The following FMN1 variants were observed in gnomAD, a reference collection of about 807,000 sequenced individuals.
FMN1 encodes formin-1.
A neutral mutation model predicts 132.4 loss-of-function variants in FMN1; 110 were observed. The ratio of observed to expected loss-of-function variants is 0.83; its 90% CI spans 0.71 to 0.97. The LOEUF (loss-of-function observed/expected upper bound fraction) is 0.97. Among genes scored for constraint, FMN1 ranks in the 50% least tolerant of loss-of-function variants. FMN1 has a pLI of 0.00. For missense variants in FMN1, 1,792 were observed against 1,705.3 expected (o/e 1.05, Z -0.90); for synonymous variants, 722 against 651.7 (o/e 1.11, Z -1.64).
chr15:32,847,351 T>C (rs1476099408), intron 17 of FMN1, among the ~76,000 whole-genome samples: 1 of 152,126 alleles, frequency 6.6e-6, no homozygotes, highest in Non-Finnish European at 1.5e-5. Context: ...GAGTTAATGA[T>C]ACTTATCTGA....
At chr15:33,151,590 T>C (rs938917155) in intron 4 of FMN1, among the ~76,000 whole-genome samples, 1 of 152,098 alleles carries the variant, frequency 6.6e-6, no homozygotes, top group Non-Finnish European at 1.5e-5. Context: ...TAATCCTACA[T>C]TGAGGAAAAA....
At chr15:33,068,150 C>A in intron 5 of FMN1, 1 of 601,524 alleles carries the variant, frequency 1.7e-6, no homozygotes, top group Non-Finnish European at 2.5e-6. Context: ...CCTTACTACA[C>A]ACGGACCAGG....
chr15:32,932,193 G>C (rs1429976255), intron 9 of FMN1, among the ~76,000 whole-genome samples: 3 of 152,122 alleles, frequency 2.0e-5, no homozygotes, highest in African/African-American at 4.8e-5. Context: ...GAGGTCAGGA[G>C]TTAGAGACCA....
At chr15:32,907,824 G>T (rs895325240) in intron 12 of FMN1, among the ~76,000 whole-genome samples, 9 of 150,972 alleles carry the variant, frequency 6.0e-5, no homozygotes, top group African/African-American at 2.2e-4. Context: ...CTAAGCCCTG[G>T]AAAGCTGGGC....
At chr15:32,859,773 G>A (rs1198711102) in intron 16 of FMN1, among the ~76,000 whole-genome samples, 6 of 152,100 alleles carry the variant, frequency 3.9e-5, no homozygotes, top group Non-Finnish European at 5.9e-5. Flanking sequence ...GTCGTGGTTC[G>A]CACCTGTAAT....
chr15:33,025,733 C>G lies in FMN1; in HGVS notation c.2162-17658G>C, dbSNP rs371426387. Among the ~76,000 whole-genome samples, 16 of 152,202 alleles carry G rather than the reference C, an allele frequency of 1.1e-4. No homozygotes were observed. In the South Asian group the frequency reaches 3.3e-3, roughly 32 times the overall value. ...GAGAAAACCTATTGTATCTCAAAAT[C>G]TCAAAATGATACAGAATGACACAGA... On this transcript the variant is annotated intron_variant, in intron 6 of 20. Transcript: ENST00000616417.
At chr15:32,931,511 T>C (rs965628515) in intron 9 of FMN1, among the ~76,000 whole-genome samples, 2 of 152,230 alleles carry the variant, frequency 1.3e-5, no homozygotes, top group Non-Finnish European at 1.5e-5. Context: ...TATTTTTGTG[T>C]TATAAGAACA....
At chr15:33,108,719 C>A (rs2039582046) in intron 4 of FMN1, among the ~76,000 whole-genome samples, 1 of 152,088 alleles carries the variant, frequency 6.6e-6, no homozygotes, top group Non-Finnish European at 1.5e-5. Context: ...GATGTTCTCA[C>A]CAAGAGGGAT....
At chr15:33,082,020 G>GGGGGGTGT (rs1355703560) in intron 5 of FMN1, among the ~76,000 whole-genome samples, 20 of 117,762 alleles carry the variant, frequency 1.7e-4, no homozygotes, top group African/African-American at 6.8e-4. Context: ...AGAGTTCAGG[G>GGGGGGTGT]GTGTGTGTGT....
chr15:32,892,297 G>A (rs1267230121), intron 15 of FMN1, among the ~76,000 whole-genome samples: 1 of 152,060 alleles, frequency 6.6e-6, no homozygotes, highest in African/African-American at 2.4e-5. Context: ...TTCTTTTTCT[G>A]CATCTATTGA....
At chr15:32,885,148 T>C (rs2059865542) in intron 16 of FMN1, among the ~76,000 whole-genome samples, 1 of 152,236 alleles carries the variant, frequency 6.6e-6, no homozygotes, top group African/African-American at 2.4e-5. Context: ...CTTAGTCCTA[T>C]GTAATGTGCC....
chr15:32,782,363 TGC>T (rs558418800), intron 19 of FMN1, among the ~76,000 whole-genome samples: 85 of 152,338 alleles, frequency 5.6e-4, no homozygotes, highest in Non-Finnish European at 1.1e-3. Flanking sequence ...ATAAAATGAT[TGC>T]TTTTTGCATT....
At chr15:33,100,945 A>C (rs2039270045) in intron 4 of FMN1, among the ~76,000 whole-genome samples, 2 of 152,236 alleles carry the variant, frequency 1.3e-5, no homozygotes. Context: ...ATATGACATC[A>C]AGTATGAAAT....
At chr15:32,848,985 T>TTG (rs1555472086) in intron 17 of FMN1, among the ~76,000 whole-genome samples, 29 of 125,480 alleles carry the variant, frequency 2.3e-4, no homozygotes, top group Non-Finnish European at 4.5e-4. Context: ...TTGTTTTTTT[T>TTG]TTTTTTTTTT....
intron 9 of FMN1, among the ~76,000 whole-genome samples, chr15:32,950,068 T>C (rs796250307): frequency 1.4e-4 from 9 of 66,258 alleles, no homozygotes; most frequent in South Asian, 1.3e-3. Context: ...TATATATATA[T>C]ATATATATAT....
intron 5 of FMN1, among the ~76,000 whole-genome samples, chr15:33,082,516 A>G (rs550525600): frequency 2.6e-5 from 4 of 152,240 alleles, no homozygotes; most frequent in Admixed American, 6.5e-5. Context: ...ATTACAAACT[A>G]TTCTCCATGG....
At chr15:33,068,693 T>C (rs1276371697) in intron 5 of FMN1, among the ~76,000 whole-genome samples, 1 of 152,126 alleles carries the variant, frequency 6.6e-6, no homozygotes, top group Non-Finnish European at 1.5e-5. Context: ...TTTTAGCTCC[T>C]AAAGCCCGTG....
intron 6 of FMN1, among the ~76,000 whole-genome samples, chr15:33,019,258 T>C (rs2141007084): frequency 1.3e-5 from 2 of 152,116 alleles, no homozygotes; most frequent in South Asian, 4.2e-4. Flanking sequence ...AGATACAGAG[T>C]GTCCATTGGT....
intron 4 of FMN1, among the ~76,000 whole-genome samples, chr15:33,101,537 GGATA>G (rs2039294708): frequency 6.6e-6 from 1 of 152,194 alleles, no homozygotes; most frequent in African/African-American, 2.4e-5. Context: ...AGCTGCCCTG[GGATA>G]GGAGTTGGAC....
Sources: allele counts gnomAD v4.1 joint callset (sites outside exome capture counted in the v4.1 genomes callset), GRCh38; gene constraint gnomAD v4.1.1; transcripts MANE v1.5; gene names NCBI Gene and HGNC (gene_info 2026-07-23, HGNC 2026-07-21).